The following FARP1 variants were observed in gnomAD, a reference collection of about 807,000 sequenced individuals.
The protein encoded by FARP1 is FERM, ARH/RhoGEF and pleckstrin domain protein 1.
FARP1 carries 52 observed loss-of-function variants against 128.8 expected under a neutral mutation model. The observed-to-expected ratio is 0.40, with a 90% CI of 0.32 to 0.51. The LOEUF is 0.51. Among genes scored for constraint, FARP1 ranks in the 20% least tolerant of loss-of-function variants. FARP1 has a pLI of 0.45. For missense variants in FARP1, 1,333 were observed against 1,367.9 expected (o/e 0.97, Z 0.40); for synonymous variants, 580 against 551.8 (o/e 1.05, Z -0.72).
intron 1 of FARP1, among the ~76,000 whole-genome samples, chr13:98,188,193 T>C (rs1199816494): frequency 1.3e-5 from 2 of 152,126 alleles, no homozygotes; most frequent in African/African-American, 4.8e-5. Flanking sequence ...CACGTGGGCC[T>C]CTTGTTCACA....
chr13:98,169,807 T>C (rs1877523874), intron 1 of FARP1, among the ~76,000 whole-genome samples: 1 of 143,658 alleles, frequency 7.0e-6, no homozygotes, highest in Non-Finnish European at 1.6e-5. Context: ...TTTAAAATTA[T>C]GCTGGGTATT....
chr13:98,231,715 AC>A (rs1483348605), intron 2 of FARP1, among the ~76,000 whole-genome samples: 1 of 152,270 alleles, frequency 6.6e-6, no homozygotes, highest in Non-Finnish European at 1.5e-5. Flanking sequence ...TTGGTGAGCC[AC>A]CACACCCGGC....
chr13:98,210,676 A>C (rs896581872), intron 1 of FARP1, among the ~76,000 whole-genome samples: 14 of 151,728 alleles, frequency 9.2e-5, no homozygotes, highest in East Asian at 1.9e-4. Context: ...CAGCCTCCCG[A>C]GTAGCTGGGA....
At chr13:98,413,429 G>A (rs1478625460) in intron 16 of FARP1, among the ~76,000 whole-genome samples, 1 of 152,234 alleles carries the variant, frequency 6.6e-6, no homozygotes, top group Non-Finnish European at 1.5e-5. Context: ...GGAGGCTGAG[G>A]CAGGAGGATC....
Position 98,158,368 on chromosome 13 carries a change from A to G in FARP1, c.-24+14876A>G, listed in dbSNP as rs190169194. Among the ~76,000 whole-genome samples, 12 of 152,344 alleles carry G rather than the reference A, an allele frequency of 7.9e-5. No homozygotes were observed. In the East Asian group the frequency reaches 2.3e-3, roughly 29 times the overall value. On this transcript the variant is annotated intron_variant, in intron 1 of 26. Coordinates refer to ENST00000319562, the MANE Select transcript of FARP1 (RefSeq NM_005766.4). ...ATTGCAAATCTGTCCCTACTCTACT[A>G]TTGAAACCACCTACTCAAAGGTCAT...
chr13:98,296,914 A>G (rs1478998217), intron 2 of FARP1, among the ~76,000 whole-genome samples: 2 of 152,118 alleles, frequency 1.3e-5, no homozygotes, highest in Admixed American at 6.5e-5. Context: ...CAAACTCCTG[A>G]GCTCAAGTGA....
chr13:98,180,842 G>C (rs1330161728), intron 1 of FARP1, among the ~76,000 whole-genome samples: 1 of 152,106 alleles, frequency 6.6e-6, no homozygotes, highest in Admixed American at 6.5e-5. Context: ...CACTTGATAA[G>C]TATTTTCCCC....
In FARP1 at chr13:98,295,084, CACACACACACACACACACACAT is replaced by C. The variant is rs1233311284; in HGVS notation, c.172-48676_172-48655del. Reference sequence around the variant, plus strand: ...ACACACACACACACACACACACACACACACACACACACACACACACATATATCCCCAGGCATTATTTATTTAT... The same window carrying C: ...ACACACACACACACACACACACACACATATCCCCAGGCATTATTTATTTAT... On this transcript the variant is annotated intron_variant, in intron 2 of 26. Transcript: ENST00000319562. Among the ~76,000 whole-genome samples, 175 of 89,676 alleles carry C rather than the reference CACACACACACACACACACACAT, an allele frequency of 2.0e-3. 3 individuals carry two copies. The highest frequency in any genetic ancestry group is 6.9e-3 in the African/African-American group (149 of 21,542). The allele number at this position is 89,676 out of a possible 152,430, so 58.8% of individuals were successfully genotyped here.
chr13:98,178,616 T>C (rs1459824304), intron 1 of FARP1, among the ~76,000 whole-genome samples: 1 of 152,222 alleles, frequency 6.6e-6, no homozygotes, highest in African/African-American at 2.4e-5. Flanking sequence ...AAGTGTTACA[T>C]GCAATTTCTT....
chr13:98,411,955 C>T lies in FARP1; in HGVS notation c.1747C>T (p.Leu583Phe). 1 of 1,614,028 alleles carries T rather than the reference C, an allele frequency of 6.2e-7. No homozygotes were observed. Among genetic ancestry groups the T allele is most frequent in the South Asian group, 1.1e-5 (1 of 91,072 alleles). ...CGCCATGCCGGAAGCACTGAAAAGT[C>T]TCATATTCCCGAATTTTGAACCTTT... The part of the protein sequence containing the change: ...EDAMPEALKS[L>F]IFPNFEPLHK... The change falls in exon 16 of 27, where the codon CTC becomes TTC. Residue 583 changes from leucine to phenylalanine, a missense_variant. Physicochemically the swap from Leu to Phe is conservative, Grantham distance 22 (BLOSUM62 0). Around this residue, in one of 2 missense-constraint regions of FARP1, gnomAD observed 1,009 missense variants for 969.8 expected, o/e 1.04. Coordinates refer to ENST00000319562, the MANE Select transcript of FARP1 (RefSeq NM_005766.4).
chr13:98,167,514 A>G (rs998801656), intron 1 of FARP1, among the ~76,000 whole-genome samples: 1 of 148,832 alleles, frequency 6.7e-6, no homozygotes, highest in African/African-American at 2.5e-5. Flanking sequence ...GGTTCAAGTG[A>G]TTCTCCTGCC....
chr13:98,276,594 A>G (rs1009886333), intron 2 of FARP1, among the ~76,000 whole-genome samples: 2 of 152,202 alleles, frequency 1.3e-5, no homozygotes, highest in Non-Finnish European at 2.9e-5. Context: ...CATCTTTATT[A>G]TTATATTGTT....
At chr13:98,437,669 G>C (rs1892331938) in intron 19 of FARP1, 1 of 671,762 alleles carries the variant, frequency 1.5e-6, no homozygotes, top group African/African-American at 1.8e-5. Context: ...AAGATGGTGA[G>C]TTATCTGTGC....
intron 18 of FARP1, 117 bp from the exon 19 acceptor site, chr13:98,435,459 C>T: frequency 3.0e-6 from 3 of 1,011,854 alleles, no homozygotes; most frequent in East Asian, 2.6e-5. Flanking sequence ...CAAAAGACAC[C>T]TTTGAATACT....
chr13:98,316,522 T>TC (rs1024661882), intron 2 of FARP1, among the ~76,000 whole-genome samples: 1 of 152,014 alleles, frequency 6.6e-6, no homozygotes, highest in African/African-American at 2.4e-5. Context: ...CGGAGCCCCC[T>TC]CCCCATCCAG....
intron 1 of FARP1, among the ~76,000 whole-genome samples, chr13:98,194,489 A>G (rs1879445257): frequency 6.6e-6 from 1 of 152,238 alleles, no homozygotes. Context: ...TTGGAACGCT[A>G]AGCATGTGGA....
chr13:98,318,307 T>C (rs1006677426), intron 2 of FARP1, among the ~76,000 whole-genome samples: 5 of 152,078 alleles, frequency 3.3e-5, no homozygotes, highest in Admixed American at 6.6e-5. Flanking sequence ...CCTGCACACA[T>C]TGGCCTTCCA....
chr13:98,197,674 A>T (rs1021879711), intron 1 of FARP1, among the ~76,000 whole-genome samples: 5 of 150,734 alleles, frequency 3.3e-5, no homozygotes, highest in African/African-American at 1.2e-4. Context: ...TCGCTCTGTC[A>T]CCCAGGCTGG....
At chr13:98,412,909 C>T (rs1312705672) in intron 16 of FARP1, among the ~76,000 whole-genome samples, 1 of 152,124 alleles carries the variant, frequency 6.6e-6, no homozygotes, top group South Asian at 2.1e-4. Context: ...AAATAGAACC[C>T]GTTATGGGCT....
Sources: gnomAD v4.1 joint callset for allele counts (sites outside exome capture counted in the v4.1 genomes callset) on GRCh38, gnomAD v4.1.1 for gene constraint, gnomAD v4.1.1 regional missense constraint, MANE v1.5 for transcripts, NCBI Gene and HGNC (gene_info 2026-07-23, HGNC 2026-07-21) for gene names.